The following CST4 variants were observed in gnomAD, a reference collection of about 807,000 sequenced individuals.
CST4 encodes the protein cystatin-S.
CST4 carries 17 observed loss-of-function variants against 11.2 expected under a neutral mutation model. The ratio of observed to expected loss-of-function variants is 1.52; its 90% CI spans 1.04 to 2.27. The LOEUF (loss-of-function observed/expected upper bound fraction) is 2.27, where lower values mean the gene tolerates loss of function less well. Among genes scored for constraint, CST4 ranks in the 30% most tolerant of loss-of-function variants. The pLI is 0.00. For synonymous variants in CST4, 93 were observed against 70.1 expected, an observed-to-expected ratio of 1.33 and a Z score of -1.63; for missense variants, 251 against 180.2, an observed-to-expected ratio of 1.39 and a Z score of -2.25.
At chr20:23,686,899 C>A (rs1981062379) in intron 2 of CST4, among the ~76,000 whole-genome samples, 189 bp downstream of exon 2, 1 of 152,124 alleles carries the variant, frequency 6.6e-6, no homozygotes, top group Non-Finnish European at 1.5e-5. Context: ...CACACGTGCA[C>A]CTTTCCACAT....
intron 2 of CST4, among the ~76,000 whole-genome samples, chr20:23,686,672 C>A (rs972727261): frequency 6.6e-6 from 1 of 152,230 alleles, no homozygotes; most frequent in South Asian, 2.1e-4. Flanking sequence ...AGTTGACCTT[C>A]TAGTAACCAT....
intron 1 of CST4, 30 bp downstream of exon 1, chr20:23,688,712 C>G (rs780737725): frequency 3.1e-6 from 5 of 1,610,816 alleles, no homozygotes; most frequent in Middle Eastern, 3.3e-4. Context: ...GGCTAGGGCT[C>G]AGGACCCCTC....
chr20:23,685,733 C>T lies in CST4; in HGVS notation c.*161G>A. ...GAAGGAAGGAGGGAGGGCAGAGCGC[C>T]CTGCTGAGCAACAAAGGACTCCTGC... On this transcript the variant is annotated 3_prime_UTR_variant, in exon 3 of 3. Coordinates refer to ENST00000217423, the MANE Select transcript of CST4 (RefSeq NM_001899.3). 1 of 672,770 alleles carries T rather than the reference C, an allele frequency of 1.5e-6. No homozygotes were observed. The allele number at this position is 672,770 out of a possible 1,614,324, so 41.7% of individuals were successfully genotyped here.
chr20:23,687,062 G>T, intron 2 of CST4, 26 bp downstream of exon 2: 1 of 1,613,914 alleles, frequency 6.2e-7, no homozygotes, highest in East Asian at 2.2e-5. Context: ...TGCATGACTG[G>T]CCCGGGACCC....
At chr20:23,686,719 C>T (rs1378514830) in intron 2 of CST4, among the ~76,000 whole-genome samples, 2 of 152,026 alleles carry the variant, frequency 1.3e-5, no homozygotes, top group African/African-American at 4.8e-5. Context: ...TCAAACACAT[C>T]ACCCCCTCCC....
At position 23,685,675 on chromosome 20, in the gene CST4, G is replaced by A. The variant is rs983443999; in HGVS notation, c.*219C>T. Reference sequence around the variant, plus strand: ...CTGTTTAATTGCAGGAGGTGGGGGTGTGTGTACCATGTACCAGGTCTATTA... The same window carrying A: ...CTGTTTAATTGCAGGAGGTGGGGGTATGTGTACCATGTACCAGGTCTATTA... On this transcript the variant is annotated 3_prime_UTR_variant, in exon 3 of 3. Transcript: ENST00000217423. The A allele has an allele frequency of 1.0e-5, 6 of 590,628 alleles. No individual in the cohort carries two copies. The African/African-American group carries it at 1.1e-4, about 11-fold the overall frequency. 36.6% of individuals were successfully genotyped at this position (590,628 alleles called of 1,614,324 possible). A position where few individuals can be genotyped will look rare whatever the true frequency, so the allele number is the denominator to read the frequency against.
At chr20:23,687,678 T>G (rs150902201) in intron 1 of CST4, among the ~76,000 whole-genome samples, 207 of 152,298 alleles carry the variant, frequency 1.4e-3, no homozygotes, top group African/African-American at 4.9e-3. Flanking sequence ...CACACCTGAG[T>G]GTCTTACAAT....
At chr20:23,688,314 G>C (rs1981112323) in intron 1 of CST4, among the ~76,000 whole-genome samples, 2 of 152,236 alleles carry the variant, frequency 1.3e-5, no homozygotes, top group South Asian at 4.1e-4. Context: ...CCAAGGGCAT[G>C]ACTTGGGGAA....
chr20:23,686,214 G>T (rs867280137), intron 2 of CST4, among the ~76,000 whole-genome samples: 4 of 152,158 alleles, frequency 2.6e-5, no homozygotes, highest in Non-Finnish European at 4.4e-5. Flanking sequence ...GCAGTGTCCT[G>T]TCCCATCACA....
chr20:23,688,125 AACCCCTCCTCTGCTCTGCTGGGTG>A (rs1981105350), intron 1 of CST4, among the ~76,000 whole-genome samples: 1 of 152,220 alleles, frequency 6.6e-6, no homozygotes, highest in African/African-American at 2.4e-5. Context: ...CTCTGGACCT[AACCCCTCCTCTGCTCTGCTGGGTG>A]ACTGCTGTCC....
In CST4 at chr20:23,688,766, C is replaced by A. The variant is rs370609799; in HGVS notation, c.204G>T (p.Leu68=). The part of the protein sequence containing the change: ...ATEDEYYRRP[L]QVLRAREQTF... ...CCTGCTCCCTGGCTCGCAGCACCTG[C>A]AGCGGGCGTCTGTAGTACTCATCTT... Residue 68 remains leucine, a synonymous_variant, in exon 1 of 3, where the codon CTG becomes CTT. Coordinates refer to ENST00000217423, the MANE Select transcript of CST4 (RefSeq NM_001899.3). 1.9e-6 allele frequency: 3 copies of A among 1,614,064 alleles called. No individual in the cohort carries two copies. The highest frequency in any genetic ancestry group is 3.3e-5 in the Admixed American group (2 of 60,010).
In CST4 at chr20:23,688,807, A is replaced by G; in HGVS notation, c.163T>C (p.Tyr55His). Residue 55 changes from tyrosine (Y) to histidine (H), a missense_variant, in exon 1 of 3, where the codon TAC (tyrosine) becomes CAC (histidine). Transcript: ENST00000217423. ...TACTCATCTTCGGTGGCCTTGTTGT[A>G]CTCGCTGATGGCGAAGTGAAGGGCA... ...QRALHFAISE[Y>H]NKATEDEYYR... 6.2e-7 allele frequency: 1 copy of G among 1,613,970 alleles called. No individual in the cohort carries two copies. Among genetic ancestry groups the G allele is most frequent in the Non-Finnish European group, 8.5e-7 (1 of 1,180,002 alleles).
At chr20:23,688,715 G>A (rs373373547) in intron 1 of CST4, 27 bp downstream of exon 1, 595 of 1,611,198 alleles carry the variant, frequency 3.7e-4, no homozygotes, top group Admixed American at 7.7e-4. Flanking sequence ...TAGGGCTCAG[G>A]ACCCCTCGGG....
At position 23,687,080 on chromosome 20, in the gene CST4, G is replaced by C. The variant is rs1440365703; in HGVS notation, c.342+8C>G. 6.2e-7 allele frequency: 1 copy of C among 1,614,010 alleles called. No homozygotes were observed. The highest frequency in any genetic ancestry group is 8.5e-7 in the Non-Finnish European group (1 of 1,180,018). On this transcript the variant is annotated splice_region_variant and intron_variant, in intron 2 of 2. Transcript: ENST00000217423. ...ATGACTGGCCCGGGACCCGCATCAG[G>C]AACGTACCTTCTGCAGTTCTGGCTG...
chr20:23,686,558 T>G (rs1981047911), intron 2 of CST4, among the ~76,000 whole-genome samples: 1 of 152,070 alleles, frequency 6.6e-6, no homozygotes, highest in Non-Finnish European at 1.5e-5. Context: ...TTTGGCTGCA[T>G]GCAGGTGCCT....
At chr20:23,687,975 A>C (rs964784936) in intron 1 of CST4, among the ~76,000 whole-genome samples, 22 of 152,346 alleles carry the variant, frequency 1.4e-4, no homozygotes, top group Admixed American at 2.6e-4. Context: ...TCCAGCTGAC[A>C]GCTGTAGGAG....
chr20:23,688,521 G>T (rs1244544038), intron 1 of CST4, among the ~76,000 whole-genome samples: 1 of 152,242 alleles, frequency 6.6e-6, no homozygotes, highest in Non-Finnish European at 1.5e-5. Context: ...AGCAGCTGCT[G>T]CAGGTTAAAG....
intron 2 of CST4, among the ~76,000 whole-genome samples, chr20:23,686,313 C>T (rs1247993042): frequency 6.6e-6 from 1 of 152,154 alleles, no homozygotes; most frequent in Non-Finnish European, 1.5e-5. Flanking sequence ...GCTCCTTCCA[C>T]CTCCAGCACC....
Position 23,688,779 on chromosome 20 carries a change from T to C in CST4, c.191A>G (p.Tyr64Cys). The change falls in exon 1 of 3, where the codon TAC becomes TGC. Residue 64 changes from tyrosine (Y) to cysteine (C), a missense_variant. Transcript: ENST00000217423. ...TCGCAGCACCTGCAGCGGGCGTCTG[T>C]AGTACTCATCTTCGGTGGCCTTGTT... is the stretch of plus-strand genomic sequence containing the variant. ...EYNKATEDEY[Y>C]RRPLQVLRAR... The C allele has an allele frequency of 1.2e-6, 2 of 1,614,142 alleles. No homozygotes were observed. The highest frequency in any genetic ancestry group is 1.7e-5 in the Admixed American group (1 of 60,030).
Sources: allele counts gnomAD v4.1 joint callset (sites outside exome capture counted in the v4.1 genomes callset), GRCh38; gene constraint gnomAD v4.1.1; transcripts MANE v1.5; gene names NCBI Gene and HGNC (gene_info 2026-07-23, HGNC 2026-07-21).